PEX2: variants seen among roughly 807,000 people sequenced by gnomAD.
PEX2 encodes peroxisomal biogenesis factor 2, also known as peroxisome biogenesis factor 2.
In PEX2, 19 loss-of-function variants were observed where a neutral mutation model predicts 25.2. That is an observed-to-expected ratio of 0.75 (90% CI 0.53 to 1.10). The LOEUF is 1.10. PEX2 is among the 50% of genes least tolerant of loss of function. The pLI is 0.00. For missense variants in PEX2, 347 were observed against 350.6 expected, an observed-to-expected ratio of 0.99 and a Z score of 0.08; for synonymous variants, 141 against 127.7, an observed-to-expected ratio of 1.10 and a Z score of -0.70.
rs1188942650 is a variant in PEX2, at chr8:76,983,721, T to C, written c.458A>G (p.Asn153Ser). The C allele has an allele frequency of 6.2e-7, 1 of 1,614,042 alleles. No homozygotes were observed. The highest frequency in any genetic ancestry group is 1.6e-4 in the Middle Eastern group (1 of 6,062). ...IGLLKLGGLI[N>S]FLIFLQRGKF... is the part of the protein sequence containing the mutation. ...TCCCCTCTGAAGGAAAATCAAAAAA[T>C]TAATCAGCCCACCTAATTTCAAAAG... The change falls in exon 4 of 4, where the codon AAT (asparagine) becomes AGT (serine). Residue 153 changes from asparagine (N) to serine (S), a missense_variant. Asn to Ser is a conservative substitution (Grantham distance 46). Coordinates refer to ENST00000357039, the MANE Select transcript of PEX2 (RefSeq NM_000318.3).
rs113698939 is a variant in PEX2, at chr8:76,989,276, T to C, written c.-159-938A>G. On this transcript the variant is annotated intron_variant, in intron 1 of 3. Transcript: ENST00000357039. ...ACATCTTTAGGCTCCACTCTAATTA[T>C]AGCTCTCTTACTATTTCTATCACAT... 4.1e-3 allele frequency among the ~76,000 whole-genome samples: 622 copies of C among 152,296 alleles called. 3 individuals are homozygous for C. The highest frequency in any genetic ancestry group is 5.1e-3 in the Non-Finnish European group (347 of 68,022).
intron 1 of PEX2, among the ~76,000 whole-genome samples, chr8:76,993,958 A>C (rs1384920071): frequency 1.3e-5 from 2 of 152,134 alleles, no homozygotes; most frequent in Non-Finnish European, 2.9e-5. Context: ...ATATGTGAAA[A>C]AGATGCTTAA....
chr8:76,993,956 A>G (rs1420816143), intron 1 of PEX2, among the ~76,000 whole-genome samples: 1 of 152,122 alleles, frequency 6.6e-6, no homozygotes, highest in Non-Finnish European at 1.5e-5. Flanking sequence ...GGATATGTGA[A>G]AAAGATGCTT....
chr8:76,990,759 A>G lies in PEX2; in HGVS notation c.-159-2421T>C, dbSNP rs140431426. Among the ~76,000 whole-genome samples the G allele has an allele frequency of 8.7e-3, 1,325 of 152,304 alleles. 10 individuals carry two copies. Among genetic ancestry groups the G allele is most frequent in the Middle Eastern group, 0.014 (4 of 294 alleles). On this transcript the variant is annotated intron_variant, in intron 1 of 3. Transcript: ENST00000357039. Reference sequence around the variant, plus strand: ...GTTCGTGGTGCCCCAGAACAGTTACAATAGTAATAACAAAGATCACTGATC... The same window carrying G: ...GTTCGTGGTGCCCCAGAACAGTTACGATAGTAATAACAAAGATCACTGATC...
chr8:76,985,025 G>A (rs147068155), intron 3 of PEX2, among the ~76,000 whole-genome samples: 1 of 152,104 alleles, frequency 6.6e-6, no homozygotes, highest in Non-Finnish European at 1.5e-5. Flanking sequence ...GGTTAGCTAG[G>A]TACAGCTTAC....
At chr8:77,000,380 A>AGGACACTACTAGTGTCGT, upstream of PEX2, 1 of 155,568 alleles carries the variant, frequency 6.4e-6, no homozygotes, top group Non-Finnish European at 1.4e-5. Context: ...ACAAGTGTCG[A>AGGACACTACTAGTGTCGT]GGGGCCTAGG....
chr8:76,998,217 T>C (rs1586080147), intron 1 of PEX2, among the ~76,000 whole-genome samples: 2 of 152,302 alleles, frequency 1.3e-5, no homozygotes, highest in East Asian at 3.9e-4. Context: ...TTTGATGTTG[T>C]GAGAAAAACA....
chr8:76,990,648 C>A (rs535491094), intron 1 of PEX2, among the ~76,000 whole-genome samples: 10 of 152,142 alleles, frequency 6.6e-5, no homozygotes, highest in African/African-American at 2.4e-4. Context: ...TCAGAACACC[C>A]AATATTTGTT....
chr8:76,983,038 AT>A lies in PEX2; in HGVS notation c.*222del. 7.9e-7 allele frequency: 1 copy of A among 1,262,856 alleles called. No individual in the cohort carries two copies. Among genetic ancestry groups the A allele is most frequent in the East Asian group, 2.7e-5 (1 of 36,542 alleles). 78.2% of individuals were successfully genotyped at this position (1,262,856 alleles called of 1,614,324 possible). ...CTGTCCATTATTCTTGACATTAAAA[AT>A]TGAATGCAATGATTTAAAAAACATA... On this transcript the variant is annotated 3_prime_UTR_variant, in exon 4 of 4. Transcript: ENST00000357039.
intron 1 of PEX2, among the ~76,000 whole-genome samples, chr8:76,991,660 T>G (rs555131010): frequency 1.3e-5 from 2 of 152,338 alleles, no homozygotes; most frequent in East Asian, 3.9e-4. Context: ...CATTCTTCTT[T>G]AGGCATCTGT....
chr8:76,999,323 C>G (rs1452709457), intron 1 of PEX2, among the ~76,000 whole-genome samples: 1 of 152,132 alleles, frequency 6.6e-6, no homozygotes, highest in African/African-American at 2.4e-5. Context: ...AGCCCTTTCA[C>G]TAAATGTGGG....
At chr8:76,996,707 CA>C (rs2132060580) in intron 1 of PEX2, among the ~76,000 whole-genome samples, 1 of 152,204 alleles carries the variant, frequency 6.6e-6, no homozygotes, top group Admixed American at 6.5e-5. Context: ...GAAATATCCC[CA>C]AAGGAACAAA....
Position 76,982,746 on chromosome 8 carries a change from T to C in PEX2, c.*515A>G, listed in dbSNP as rs773041848. 4.5e-5 allele frequency: 7 copies of C among 156,086 alleles called. No individual in the cohort carries two copies. Among genetic ancestry groups the C allele is most frequent in the Non-Finnish European group, 8.4e-5 (6 of 71,104 alleles). The allele number at this position is 156,086 out of a possible 1,614,324, so 9.7% of individuals were successfully genotyped here. On this transcript the variant is annotated 3_prime_UTR_variant, in exon 4 of 4. Coordinates refer to ENST00000357039, the MANE Select transcript of PEX2 (RefSeq NM_000318.3). ...ATTGCTTGAACCCGGGAGGCGGACG[T>C]TGCAGTGAGCAGAGATCGCGCCACT...
chr8:76,987,062 T>G (rs1807025352), intron 2 of PEX2, among the ~76,000 whole-genome samples: 1 of 152,204 alleles, frequency 6.6e-6, no homozygotes, highest in South Asian at 2.1e-4. Context: ...TCCAGAAAGA[T>G]GATTATTACT....
At position 76,981,027 on chromosome 8, in the gene PEX2, C is replaced by G. The variant is rs1313019693; in HGVS notation, c.*2234G>C. On this transcript the variant is annotated 3_prime_UTR_variant, in exon 4 of 4. Coordinates refer to ENST00000357039, the MANE Select transcript of PEX2 (RefSeq NM_000318.3). The stretch of plus-strand genomic sequence containing the variant: ...TCTGAGCACCTACATCCAGACTGGG[C>G]CTGCAGTGTGCAGCTGGACTCTTCA... The G allele has an allele frequency of 2.0e-5, 3 of 152,172 alleles. No homozygotes were observed. The highest frequency in any genetic ancestry group is 7.2e-5 in the African/African-American group (3 of 41,438). The allele number at this position is 152,172 out of a possible 1,614,324, so 9.4% of individuals were successfully genotyped here. A position where few individuals can be genotyped will look rare whatever the true frequency, so the allele number is the denominator to read the frequency against.
rs12718 is a variant in PEX2 at position 76,999,994 on chromosome 8, G to T, written c.-164C>A. 0.23 allele frequency: 104,479 copies of T among 456,014 alleles called. 13,001 individuals carry two copies. Among genetic ancestry groups the T allele is most frequent in the Admixed American group, 0.35 (14,896 of 42,504 alleles). The allele number at this position is 456,014 out of a possible 1,614,324, so 28.2% of individuals were successfully genotyped here. ...CTCTCTAGGGCAGACACTGACCTTA[G>T]GAGTCTGCGAAACGCCCACGCTCCA... On this transcript the variant is annotated 5_prime_UTR_variant, in exon 1 of 4. Coordinates refer to ENST00000357039, the MANE Select transcript of PEX2 (RefSeq NM_000318.3).
intron 3 of PEX2, 47 bp downstream of exon 3, chr8:76,986,140 G>C (rs1806995862): frequency 6.6e-6 from 1 of 152,098 alleles, no homozygotes; most frequent in African/African-American, 2.4e-5. Context: ...TATACAACAG[G>C]AATGCTTCTC....
intron 1 of PEX2, among the ~76,000 whole-genome samples, chr8:76,997,847 T>A (rs1257393524): frequency 1.3e-5 from 2 of 152,320 alleles, no homozygotes; most frequent in African/African-American, 4.8e-5. Flanking sequence ...AGACATCCCT[T>A]CTTTGCCTCC....
At chr8:76,984,872 A>C (rs988510668) in intron 3 of PEX2, among the ~76,000 whole-genome samples, 1 of 152,176 alleles carries the variant, frequency 6.6e-6, no homozygotes, top group African/African-American at 2.4e-5. Context: ...ATCATTATTA[A>C]GGTACTAAAA....
Sources: allele counts gnomAD v4.1 joint callset (sites outside exome capture counted in the v4.1 genomes callset), GRCh38; gene constraint gnomAD v4.1.1; transcripts MANE v1.5; gene names NCBI Gene and HGNC (gene_info 2026-07-23, HGNC 2026-07-21).